Variants in ANKRD10 observed in about 807,000 individuals in gnomAD.
The protein encoded by ANKRD10 is ankyrin repeat domain-containing protein 10.
Under a neutral mutation model 27.0 loss-of-function variants are expected in ANKRD10, and 14 were observed. The observed-to-expected ratio is 0.52, with a 90% CI of 0.34 to 0.81. The LOEUF is 0.81. ANKRD10 is among the 40% of genes least tolerant of loss of function. ANKRD10 has a pLI of 0.01. For synonymous variants in ANKRD10, 250 were observed against 224.5 expected, an observed-to-expected ratio of 1.11 and a Z score of -1.01; for missense variants, 493 against 544.0, an observed-to-expected ratio of 0.91 and a Z score of 0.93.
At position 110,878,576 on chromosome 13, in the gene ANKRD10, A is replaced by G. The variant is rs1203486960; in HGVS notation, c.*1061T>C. On this transcript the variant is annotated 3_prime_UTR_variant, in exon 6 of 6. Coordinates refer to ENST00000267339, the MANE Select transcript of ANKRD10 (RefSeq NM_017664.4). Reference sequence around the variant, plus strand: ...GTTTTTTATTCAATTTGTGAAGGACAGTTTTAGAACAAAATGTTAGTAACA... The same window carrying G: ...GTTTTTTATTCAATTTGTGAAGGACGGTTTTAGAACAAAATGTTAGTAACA... 6.6e-6 allele frequency: 1 copy of G among 152,372 alleles called. No homozygotes were observed. Among genetic ancestry groups the G allele is most frequent in the Non-Finnish European group, 1.5e-5 (1 of 68,046 alleles). The allele number at this position is 152,372 out of a possible 1,614,324, so 9.4% of individuals were successfully genotyped here.
intron 4 of ANKRD10, among the ~76,000 whole-genome samples, chr13:110,888,717 T>A (rs912843093): frequency 6.6e-6 from 1 of 152,218 alleles, no homozygotes; most frequent in African/African-American, 2.4e-5. Flanking sequence ...TTATCCAGGT[T>A]AAATCCACTC....
chr13:110,900,599 C>T, intron 3 of ANKRD10: 2 of 1,351,686 alleles, frequency 1.5e-6, no homozygotes, highest in African/African-American at 1.5e-5. Flanking sequence ...GTAAGGTTTT[C>T]GGAGAAGCAC....
intron 5 of ANKRD10, among the ~76,000 whole-genome samples, chr13:110,882,206 G>A (rs1253783585): frequency 6.6e-6 from 1 of 152,178 alleles, no homozygotes; most frequent in Non-Finnish European, 1.5e-5. Flanking sequence ...GCTGTACACA[G>A]TTGTTCAAAA....
Position 110,879,382 on chromosome 13 carries a change from A to G in ANKRD10, c.*255T>C, listed in dbSNP as rs2064768016. The G allele has an allele frequency of 6.4e-6, 3 of 466,666 alleles. No individual in the cohort carries two copies. The highest frequency in any genetic ancestry group is 1.2e-5 in the Non-Finnish European group (3 of 260,076). 28.9% of individuals were successfully genotyped at this position (466,666 alleles called of 1,614,324 possible). ...ACAGTATTAAAAAGACAATGTTGAG[A>G]TTGGCATCAGAAAAACTCCAAAAGT... is the stretch of plus-strand genomic sequence containing the variant. On this transcript the variant is annotated 3_prime_UTR_variant, in exon 6 of 6. Transcript: ENST00000267339.
intron 3 of ANKRD10, chr13:110,900,757 G>C: frequency 8.7e-7 from 1 of 1,150,956 alleles, no homozygotes; most frequent in Non-Finnish European, 1.2e-6. Context: ...TTTAAAACGG[G>C]CAATGGTTCA....
rs564096489 is a variant in ANKRD10 at position 110,894,505 on chromosome 13, G to A, written c.456-1242C>T. 1.6e-5 allele frequency: 3 copies of A among 190,056 alleles called. No individual in the cohort carries two copies. In the South Asian group the frequency reaches 3.7e-4, roughly 24 times the overall value. 11.8% of individuals were successfully genotyped at this position (190,056 alleles called of 1,614,324 possible). On this transcript the variant is annotated intron_variant, in intron 3 of 5. Coordinates refer to ENST00000267339, the MANE Select transcript of ANKRD10 (RefSeq NM_017664.4). The stretch of plus-strand genomic sequence containing the variant: ...ATTTATAAGGACTGACAATAGCCTT[G>A]TATTCGTTATTTGCAGACATCATAG...
intron 4 of ANKRD10, among the ~76,000 whole-genome samples, chr13:110,887,534 A>C (rs1260116598): frequency 1.3e-5 from 2 of 152,198 alleles, no homozygotes; most frequent in African/African-American, 2.4e-5. Flanking sequence ...TAATCTTTAC[A>C]TAAAAAACCA....
chr13:110,881,374 C>G (rs925129753), intron 5 of ANKRD10, among the ~76,000 whole-genome samples: 2 of 152,236 alleles, frequency 1.3e-5, no homozygotes. Flanking sequence ...CTGACAGAGG[C>G]TTCTGATATG....
chr13:110,914,588 T>C (rs1318879863), intron 1 of ANKRD10, 137 bp downstream of exon 1: 1 of 1,318,548 alleles, frequency 7.6e-7, no homozygotes, highest in Non-Finnish European at 9.9e-7. Flanking sequence ...CCTAGGCCCC[T>C]CGGGGCACAG....
intron 4 of ANKRD10, among the ~76,000 whole-genome samples, chr13:110,886,240 G>A (rs1025551589): frequency 6.6e-6 from 1 of 152,234 alleles, no homozygotes; most frequent in Non-Finnish European, 1.5e-5. Context: ...AATTAATCCT[G>A]TAACTATAAG....
At chr13:110,887,328 G>A (rs1339548043) in intron 4 of ANKRD10, among the ~76,000 whole-genome samples, 2 of 152,152 alleles carry the variant, frequency 1.3e-5, no homozygotes, top group African/African-American at 4.8e-5. Flanking sequence ...AGTCCGGGAA[G>A]GTCTGCTGCA....
At chr13:110,913,401 C>T (rs966306106) in intron 1 of ANKRD10, among the ~76,000 whole-genome samples, 1 of 152,152 alleles carries the variant, frequency 6.6e-6, no homozygotes, top group African/African-American at 2.4e-5. Flanking sequence ...AACTCATTTC[C>T]CCTGGGCACC....
rs760377333 is a variant in ANKRD10, at chr13:110,886,643, G to A, written c.692-2850C>T. Reference sequence around the variant, plus strand: ...CAAAATTTTAAGAACATTGGATTTGGACCTGTAAGACCCTACCACCTGTGG... The same window carrying A: ...CAAAATTTTAAGAACATTGGATTTGAACCTGTAAGACCCTACCACCTGTGG... On this transcript the variant is annotated intron_variant, in intron 4 of 5. Transcript: ENST00000267339. Among the ~76,000 whole-genome samples, 5 of 152,080 alleles carry A rather than the reference G, an allele frequency of 3.3e-5. No individual in the cohort carries two copies. In the South Asian group the frequency reaches 6.2e-4, roughly 19 times the overall value.
intron 4 of ANKRD10, 21 bp from the exon 5 acceptor site, chr13:110,883,814 A>C (rs757522671): frequency 6.2e-7 from 1 of 1,601,106 alleles, no homozygotes; most frequent in Non-Finnish European, 8.5e-7. Context: ...AACAAAGACT[A>C]TTTCAGATTC....
intron 1 of ANKRD10, chr13:110,914,497 G>A (rs2065826185): frequency 2.3e-6 from 1 of 431,920 alleles, no homozygotes; most frequent in Admixed American, 4.8e-5. Flanking sequence ...CCGGACGCAG[G>A]CGCCACCGAC....
intron 3 of ANKRD10, among the ~76,000 whole-genome samples, chr13:110,898,748 TTC>T (rs2065298286): frequency 8.8e-6 from 1 of 114,080 alleles, no homozygotes; most frequent in African/African-American, 2.9e-5. Flanking sequence ...AGTTTTTCTT[TTC>T]TTTTTTTTTT....
At chr13:110,905,632 G>C (rs1052326413) in intron 3 of ANKRD10, among the ~76,000 whole-genome samples, 1 of 152,184 alleles carries the variant, frequency 6.6e-6, no homozygotes, top group Non-Finnish European at 1.5e-5. Flanking sequence ...GAGCCAGAGA[G>C]GTCTGAAAAG....
chr13:110,879,499 C>T lies in ANKRD10; in HGVS notation c.*138G>A, dbSNP rs2064769945. On this transcript the variant is annotated 3_prime_UTR_variant, in exon 6 of 6. Transcript: ENST00000267339. ...AAACAAGCAGTTGCTGGGAACTTGT[C>T]GAAGTTTACTTTTTCAGAAAGTTGA... 7.3e-6 allele frequency: 5 copies of T among 688,870 alleles called. No individual in the cohort carries two copies. Among genetic ancestry groups the T allele is most frequent in the Non-Finnish European group, 9.7e-6 (4 of 412,048 alleles). 42.7% of individuals were successfully genotyped at this position (688,870 alleles called of 1,614,324 possible).
chr13:110,912,299 C>T (rs1425224951), intron 1 of ANKRD10, among the ~76,000 whole-genome samples: 2 of 152,206 alleles, frequency 1.3e-5, no homozygotes, highest in African/African-American at 4.8e-5. Context: ...TTTCTTTTTC[C>T]ATTTCTCTTA....
Sources: gnomAD v4.1 joint callset for allele counts (sites outside exome capture counted in the v4.1 genomes callset) on GRCh38, gnomAD v4.1.1 for gene constraint, MANE v1.5 for transcripts, NCBI Gene and HGNC (gene_info 2026-07-23, HGNC 2026-07-21) for gene names.